The following RGS7BP variants were observed in gnomAD, a reference collection of about 807,000 sequenced individuals.
RGS7BP encodes regulator of G protein signaling 7-binding protein.
In RGS7BP, 9 loss-of-function variants were observed where a neutral mutation model predicts 31.3. That is an observed-to-expected ratio of 0.29 (90% confidence interval 0.17 to 0.50). RGS7BP has a LOEUF of 0.50. Among genes scored for constraint, RGS7BP ranks in the 20% least tolerant of loss-of-function variants. The pLI is 0.98. For missense variants in RGS7BP, 274 were observed against 322.0 expected (o/e 0.85, Z 1.14); for synonymous variants, 115 against 120.1 (o/e 0.96, Z 0.28).
chr5:64,540,616 A>T (rs1741504357), intron 2 of RGS7BP, among the ~76,000 whole-genome samples: 1 of 152,186 alleles, frequency 6.6e-6, no homozygotes, highest in Non-Finnish European at 1.5e-5. Context: ...TACTATATTG[A>T]CCTCCAAAAA....
intron 2 of RGS7BP, among the ~76,000 whole-genome samples, chr5:64,551,993 C>T (rs548864602): frequency 1.3e-4 from 20 of 152,016 alleles, no homozygotes; most frequent in Non-Finnish European, 2.5e-4. Context: ...TGTTTGATAC[C>T]TTATAAACTG....
chr5:64,543,323 A>G (rs986314835), intron 2 of RGS7BP, among the ~76,000 whole-genome samples: 3 of 152,254 alleles, frequency 2.0e-5, no homozygotes, highest in African/African-American at 7.2e-5. Context: ...GTTGCAAGTG[A>G]CAGAAACTAA....
At chr5:64,588,477 C>T (rs537747349) in intron 3 of RGS7BP, among the ~76,000 whole-genome samples, 1 of 152,296 alleles carries the variant, frequency 6.6e-6, no homozygotes, top group Admixed American at 6.5e-5. Context: ...TCCTGTCACG[C>T]AGCCCACTGT....
chr5:64,517,211 C>G (rs1248307807), intron 2 of RGS7BP, among the ~76,000 whole-genome samples: 1 of 152,052 alleles, frequency 6.6e-6, no homozygotes, highest in Non-Finnish European at 1.5e-5. Flanking sequence ...AGAGGAAGGT[C>G]AAAAGGCCAC....
intron 2 of RGS7BP, among the ~76,000 whole-genome samples, chr5:64,570,736 G>A (rs1440233758): frequency 6.6e-6 from 1 of 152,040 alleles, no homozygotes; most frequent in Non-Finnish European, 1.5e-5. Context: ...TTAGGGAAAT[G>A]TAAATCCTCA....
chr5:64,533,433 GTTC>G (rs1226489495), intron 2 of RGS7BP, among the ~76,000 whole-genome samples: 3 of 152,142 alleles, frequency 2.0e-5, no homozygotes, highest in Non-Finnish European at 4.4e-5. Flanking sequence ...CAGAACACGA[GTTC>G]TTAAGTTTTT....
At chr5:64,540,427 C>T (rs1287729716) in intron 2 of RGS7BP, among the ~76,000 whole-genome samples, 1 of 152,070 alleles carries the variant, frequency 6.6e-6, no homozygotes, top group Admixed American at 6.6e-5. Flanking sequence ...TATCTTTAAA[C>T]TTGATAGACC....
intron 2 of RGS7BP, among the ~76,000 whole-genome samples, chr5:64,518,235 A>G (rs1286583837): frequency 4.0e-4 from 61 of 152,176 alleles, no homozygotes; most frequent in Non-Finnish European, 3.4e-4. Flanking sequence ...ATGGGAAAAT[A>G]GATTCATGCC....
chr5:64,598,100 G>A (rs752580875), intron 4 of RGS7BP, among the ~76,000 whole-genome samples: 61 of 152,130 alleles, frequency 4.0e-4, no homozygotes, highest in Non-Finnish European at 1.2e-4. Context: ...AGCCAGGTTC[G>A]ACTGGAGGCA....
chr5:64,536,919 T>A (rs1324827426), intron 2 of RGS7BP, among the ~76,000 whole-genome samples: 1 of 152,216 alleles, frequency 6.6e-6, no homozygotes, highest in African/African-American at 2.4e-5. Context: ...GTGGCCAAGG[T>A]AACTATAAAA....
intron 2 of RGS7BP, among the ~76,000 whole-genome samples, chr5:64,511,021 G>A (rs957101954): frequency 1.3e-5 from 2 of 152,200 alleles, no homozygotes; most frequent in Admixed American, 6.5e-5. Context: ...GGCCACAGGA[G>A]GTAGACAGGA....
chr5:64,528,975 AAC>A (rs1749304421), intron 2 of RGS7BP, among the ~76,000 whole-genome samples: 2 of 152,170 alleles, frequency 1.3e-5, no homozygotes, highest in Non-Finnish European at 2.9e-5. Flanking sequence ...TTATTATTAC[AAC>A]GTATTCCAAT....
chr5:64,572,340 CT>C (rs1261977493), intron 2 of RGS7BP, among the ~76,000 whole-genome samples: 5 of 152,152 alleles, frequency 3.3e-5, no homozygotes, highest in Non-Finnish European at 7.4e-5. Context: ...TTTCAGTTCA[CT>C]GCTTATAACA....
Position 64,609,294 on chromosome 5 carries a change from A to C in RGS7BP, c.*42A>C. 1.7e-6 allele frequency: 2 copies of C among 1,192,540 alleles called. No individual in the cohort carries two copies. The highest frequency in any genetic ancestry group is 2.5e-6 in the Non-Finnish European group (2 of 795,426). The allele number at this position is 1,192,540 out of a possible 1,614,324, so 73.9% of individuals were successfully genotyped here. The stretch of plus-strand genomic sequence containing the variant: ...ACCCACTGAGAACATCTGAAAAAAA[A>C]TCACAAAACCCGAGGACCTCCAGAC... On this transcript the variant is annotated 3_prime_UTR_variant, in exon 6 of 6. Transcript: ENST00000334025.
intron 3 of RGS7BP, among the ~76,000 whole-genome samples, chr5:64,583,512 A>AG (rs1742658829): frequency 6.6e-6 from 1 of 152,146 alleles, no homozygotes; most frequent in African/African-American, 2.4e-5. Context: ...GAAAGAGAGG[A>AG]GGGGAAAAGA....
At chr5:64,575,701 C>T in intron 2 of RGS7BP, 73 bp from the exon 3 acceptor site, 3 of 1,516,334 alleles carry the variant, frequency 2.0e-6, no homozygotes, top group South Asian at 2.7e-5. Flanking sequence ...TTTTCCCTCT[C>T]GGAGCTGAGA....
intron 2 of RGS7BP, among the ~76,000 whole-genome samples, chr5:64,512,242 T>TCTTA (rs1337385701): frequency 6.6e-6 from 1 of 152,238 alleles, no homozygotes; most frequent in Non-Finnish European, 1.5e-5. Flanking sequence ...TTACTCCAGA[T>TCTTA]CTTAAGTTTA....
At chr5:64,509,424 T>A (rs1207807751) in intron 2 of RGS7BP, among the ~76,000 whole-genome samples, 1 of 152,192 alleles carries the variant, frequency 6.6e-6, no homozygotes, top group Non-Finnish European at 1.5e-5. Flanking sequence ...GATGGTGGGC[T>A]GGAGGAATGA....
intron 2 of RGS7BP, among the ~76,000 whole-genome samples, chr5:64,559,882 T>G (rs1742012450): frequency 6.6e-6 from 1 of 152,106 alleles, no homozygotes; most frequent in African/African-American, 2.4e-5. Context: ...ACTTGTCCAC[T>G]AAAAGTGTAA....
Sources: gnomAD v4.1 joint callset for allele counts (sites outside exome capture counted in the v4.1 genomes callset) on GRCh38, gnomAD v4.1.1 for gene constraint, MANE v1.5 for transcripts, NCBI Gene and HGNC (gene_info 2026-07-23, HGNC 2026-07-21) for gene names.